The following CTNNA3 variants were observed in gnomAD, a reference collection of about 807,000 sequenced individuals.
The protein encoded by CTNNA3 is catenin alpha 3, also known as catenin alpha-3.
In CTNNA3, 76 loss-of-function variants were observed where a neutral mutation model predicts 95.7. The ratio of observed to expected loss-of-function variants is 0.79; its 90% confidence interval spans 0.66 to 0.96. The LOEUF (loss-of-function observed/expected upper bound fraction) is 0.96, where lower values mean the gene tolerates loss of function less well. CTNNA3 is among the 40% of genes least tolerant of loss of function. The pLI, the probability that CTNNA3 is intolerant of heterozygous loss-of-function variation, is 0.00. For synonymous variants in CTNNA3, 431 were observed against 374.4 expected, an observed-to-expected ratio of 1.15 and a Z score of -1.74; for missense variants, 1,191 against 1,089.8, an observed-to-expected ratio of 1.09 and a Z score of -1.31.
chr10:66,491,152 A>G (rs929699088), intron 11 of CTNNA3, among the ~76,000 whole-genome samples: 1 of 152,124 alleles, frequency 6.6e-6, no homozygotes, highest in Non-Finnish European at 1.5e-5. Flanking sequence ...ACTTTAATCT[A>G]TTTTATATAG....
At chr10:67,264,859 G>A (rs550903710) in intron 5 of CTNNA3, among the ~76,000 whole-genome samples, 11 of 152,234 alleles carry the variant, frequency 7.2e-5, no homozygotes, top group South Asian at 2.1e-4. Context: ...GCATGATGCC[G>A]TAATTCACCA....
At chr10:66,100,685 T>A (rs1398603197) in intron 14 of CTNNA3, among the ~76,000 whole-genome samples, 2 of 152,158 alleles carry the variant, frequency 1.3e-5, no homozygotes, top group African/African-American at 4.8e-5. Context: ...ATAGAGATCA[T>A]CAAGTTTGTA....
chr10:67,615,062 T>A (rs1843601966), intron 2 of CTNNA3, among the ~76,000 whole-genome samples: 1 of 152,228 alleles, frequency 6.6e-6, no homozygotes, highest in African/African-American at 2.4e-5. Context: ...TCTGAGAAAC[T>A]GGGGTTAGGG....
At chr10:66,850,907 G>C (rs1203089693) in intron 7 of CTNNA3, among the ~76,000 whole-genome samples, 2 of 152,124 alleles carry the variant, frequency 1.3e-5, no homozygotes, top group Admixed American at 1.3e-4. Flanking sequence ...CATTGCCATT[G>C]TAGCAACAAT....
intron 7 of CTNNA3, among the ~76,000 whole-genome samples, chr10:67,116,011 T>G (rs1859166522): frequency 6.6e-6 from 1 of 152,076 alleles, no homozygotes; most frequent in Non-Finnish European, 1.5e-5. Context: ...AGTTATTTTT[T>G]CTTTCTTTGT....
chr10:66,462,995 T>C (rs1002367432), intron 11 of CTNNA3, among the ~76,000 whole-genome samples: 4 of 152,206 alleles, frequency 2.6e-5, no homozygotes, highest in South Asian at 2.1e-4. Flanking sequence ...GAATGAACGA[T>C]AGGCAGTTTA....
At chr10:67,473,436 C>T (rs990057479) in intron 5 of CTNNA3, among the ~76,000 whole-genome samples, 5 of 152,128 alleles carry the variant, frequency 3.3e-5, no homozygotes, top group South Asian at 2.1e-4. Context: ...TAAATATTAG[C>T]GATAACAGAG....
chr10:65,913,079 G>C lies in CTNNA3; in HGVS notation c.*7251C>G, dbSNP rs533843286. On this transcript the variant is annotated 3_prime_UTR_variant, in exon 18 of 18. Coordinates refer to ENST00000433211, the MANE Select transcript of CTNNA3 (RefSeq NM_013266.4). ...CAATAAACATGACTATTATGAATTGGTTACTTTTATTTCATCTCAGAAAGT... is the reference window on the plus strand; with the variant it reads ...CAATAAACATGACTATTATGAATTGCTTACTTTTATTTCATCTCAGAAAGT... The C allele has an allele frequency of 1.5e-4, 23 of 152,030 alleles. No individual in the cohort carries two copies. Among genetic ancestry groups the C allele is most frequent in the Non-Finnish European group, 3.1e-4 (21 of 67,996 alleles). The allele number at this position is 152,030 out of a possible 1,614,324, so 9.4% of individuals were successfully genotyped here.
At chr10:66,072,069 T>C (rs1164372319) in intron 14 of CTNNA3, among the ~76,000 whole-genome samples, 2 of 152,224 alleles carry the variant, frequency 1.3e-5, no homozygotes, top group Admixed American at 6.5e-5. Context: ...TACTCTGTTA[T>C]ATTGCAAGAG....
intron 7 of CTNNA3, among the ~76,000 whole-genome samples, chr10:66,906,777 C>T (rs1846006129): frequency 6.6e-6 from 1 of 151,700 alleles, no homozygotes; most frequent in African/African-American, 2.4e-5. Flanking sequence ...TAGTGCGTCT[C>T]TTTTAGAGTT....
intron 11 of CTNNA3, among the ~76,000 whole-genome samples, chr10:66,465,689 T>C (rs1409473522): frequency 6.6e-6 from 1 of 152,038 alleles, no homozygotes; most frequent in Non-Finnish European, 1.5e-5. Flanking sequence ...AAGACCCTGG[T>C]GACTTGCCAT....
chr10:66,408,611 G>A (rs904672789), intron 11 of CTNNA3, among the ~76,000 whole-genome samples: 1 of 151,998 alleles, frequency 6.6e-6, no homozygotes. Context: ...CAGCCATAAA[G>A]GTCTTCCTGA....
intron 11 of CTNNA3, among the ~76,000 whole-genome samples, chr10:66,466,665 T>C (rs1664494904): frequency 1.3e-5 from 2 of 152,104 alleles, no homozygotes; most frequent in South Asian, 4.1e-4. Flanking sequence ...CTGAGGTCTC[T>C]GTTCAACTCT....
rs532531720 is a variant in CTNNA3 at position 66,402,897 on chromosome 10, G to A, written c.1532-23545C>T. On this transcript the variant is annotated intron_variant, in intron 11 of 17. Transcript: ENST00000433211. The stretch of plus-strand genomic sequence containing the variant: ...CCTCAGATAAGGGGAAGTGAAGACT[G>A]AACTTTAATCATCATATTTGTTCCA... Among the ~76,000 whole-genome samples the A allele has an allele frequency of 1.6e-4, 25 of 152,178 alleles. No homozygotes were observed. The South Asian group carries it at 5.0e-3, about 30-fold the overall frequency.
chr10:66,984,089 A>G (rs1455713241), intron 7 of CTNNA3, among the ~76,000 whole-genome samples: 3 of 152,314 alleles, frequency 2.0e-5, no homozygotes, highest in African/African-American at 4.8e-5. Context: ...TGTTCATTCC[A>G]TCAGTAAATA....
intron 13 of CTNNA3, among the ~76,000 whole-genome samples, chr10:66,180,653 G>A (rs1005854039): frequency 1.4e-4 from 22 of 152,074 alleles, no homozygotes; most frequent in African/African-American, 5.3e-4. Flanking sequence ...TACGCCCTGG[G>A]AAACTCATGT....
chr10:67,399,544 G>A (rs1459604984), intron 5 of CTNNA3, among the ~76,000 whole-genome samples: 1 of 152,020 alleles, frequency 6.6e-6, no homozygotes, highest in Non-Finnish European at 1.5e-5. Context: ...AATATACTGG[G>A]CATTTTATGC....
chr10:66,526,345 C>A (rs1033201118), intron 10 of CTNNA3, among the ~76,000 whole-genome samples: 4 of 151,880 alleles, frequency 2.6e-5, no homozygotes, highest in Admixed American at 6.6e-5. Context: ...ACCACCACAC[C>A]CAGATAATTT....
intron 10 of CTNNA3, among the ~76,000 whole-genome samples, chr10:66,526,583 T>A (rs997533595): frequency 2.0e-5 from 3 of 152,160 alleles, no homozygotes; most frequent in Admixed American, 6.5e-5. Context: ...GAGTTCCTAT[T>A]TTTTCATATC....
Sources: gnomAD v4.1 joint callset for allele counts (sites outside exome capture counted in the v4.1 genomes callset) on GRCh38, gnomAD v4.1.1 for gene constraint, MANE v1.5 for transcripts, NCBI Gene and HGNC (gene_info 2026-07-23, HGNC 2026-07-21) for gene names.